Variants in RBMS1 observed in about 807,000 individuals in gnomAD.
RBMS1 encodes the protein RNA binding motif single stranded interacting protein 1, also known as RNA-binding motif, single-stranded-interacting protein 1.
In RBMS1, 17 loss-of-function variants were observed where a neutral mutation model predicts 62.3. The observed-to-expected ratio is 0.27, with a 90% CI of 0.19 to 0.41. The LOEUF (loss-of-function observed/expected upper bound fraction) is 0.41, where lower values mean the gene tolerates loss of function less well. Ranked by LOEUF, RBMS1 falls within the 10% of genes least tolerant of loss-of-function variation. The pLI, the probability that RBMS1 is intolerant of heterozygous loss-of-function variation, is 1.00. For synonymous variants in RBMS1, 172 were observed against 170.0 expected (o/e 1.01, Z -0.09); for missense variants, 334 against 504.5 (o/e 0.66, Z 3.24).
intron 1 of RBMS1, among the ~76,000 whole-genome samples, chr2:160,385,789 A>C (rs1338339962): frequency 6.6e-6 from 1 of 152,148 alleles, no homozygotes; most frequent in Admixed American, 6.5e-5. Context: ...TTTTTTGGTA[A>C]GATTATTAGA....
chr2:160,280,003 T>A (rs1044042124), intron 10 of RBMS1, among the ~76,000 whole-genome samples: 7 of 151,028 alleles, frequency 4.6e-5, no homozygotes, highest in African/African-American at 1.7e-4. Context: ...CTGTTAGAAA[T>A]TTTTTTTTTA....
intron 4 of RBMS1, among the ~76,000 whole-genome samples, chr2:160,311,048 T>C (rs1574259028): frequency 6.6e-6 from 1 of 150,874 alleles, no homozygotes. Flanking sequence ...ACAAAAATTA[T>C]CCGGGTGTGG....
chr2:160,349,333 G>A (rs1289437891), intron 2 of RBMS1, among the ~76,000 whole-genome samples: 1 of 152,024 alleles, frequency 6.6e-6, no homozygotes. Context: ...GTATTTATTC[G>A]TAGCCTGCTT....
intron 1 of RBMS1, among the ~76,000 whole-genome samples, chr2:160,389,698 CAAAAAAAAAA>C (rs61570926): frequency 7.9e-5 from 4 of 50,374 alleles, no homozygotes; most frequent in African/African-American, 2.6e-4. Context: ...ACTCTTGTCT[CAAAAAAAAAA>C]AAAAAAAAAA....
intron 2 of RBMS1, among the ~76,000 whole-genome samples, chr2:160,349,830 G>C (rs184588259): frequency 1.0e-4 from 15 of 150,266 alleles, no homozygotes; most frequent in Non-Finnish European, 2.9e-5. Flanking sequence ...AAAGCGGGGT[G>C]GGGGGGTGGA....
Position 160,367,347 on chromosome 2 carries a change from G to A in RBMS1, c.120C>T (p.Ser40=), listed in dbSNP as rs767197004. ...PAHPMAPPSP[S]TTSSNNNSSS... ...TACTGTTGTTATTACTGCTGGTGGT[G>A]CTGGGACTGGGAGGGGCCATGGGGT... Residue 40 remains serine, a synonymous_variant, in exon 2 of 14, where the codon AGC becomes AGT. Transcript: ENST00000348849. 7 of 1,614,014 alleles carry A rather than the reference G, an allele frequency of 4.3e-6. No individual in the cohort carries two copies. The highest frequency in any genetic ancestry group is 5.9e-6 in the Non-Finnish European group (7 of 1,179,974).
chr2:160,313,836 A>T (rs1690067816), intron 3 of RBMS1, among the ~76,000 whole-genome samples: 2 of 152,352 alleles, frequency 1.3e-5, no homozygotes, highest in South Asian at 4.1e-4. Context: ...CAAAATAAAG[A>T]AGAGCTGGGG....
chr2:160,413,554 T>A (rs1263975321), intron 1 of RBMS1, among the ~76,000 whole-genome samples: 1 of 152,120 alleles, frequency 6.6e-6, no homozygotes, highest in Non-Finnish European at 1.5e-5. Context: ...GAAACCACTG[T>A]AATAAAATAA....
intron 1 of RBMS1, among the ~76,000 whole-genome samples, chr2:160,476,289 G>A (rs898620607): frequency 6.6e-6 from 1 of 152,010 alleles, no homozygotes; most frequent in African/African-American, 2.4e-5. Flanking sequence ...ATTGCCTTTG[G>A]GGACACTATG....
At chr2:160,383,452 T>TC (rs1694388876) in intron 1 of RBMS1, among the ~76,000 whole-genome samples, 2 of 35,546 alleles carry the variant, frequency 5.6e-5, no homozygotes. Context: ...TAGACATGAA[T>TC]TGGGGGGGGG....
intron 2 of RBMS1, among the ~76,000 whole-genome samples, chr2:160,342,773 A>G (rs2105996307): frequency 6.9e-6 from 1 of 145,486 alleles, no homozygotes; most frequent in Admixed American, 6.9e-5. Flanking sequence ...AAAATACAAA[A>G]AAAAAAAAAA....
chr2:160,429,035 A>T, intron 1 of RBMS1, among the ~76,000 whole-genome samples: 1 of 152,214 alleles, frequency 6.6e-6, no homozygotes, highest in East Asian at 1.9e-4. Context: ...CTTTCTATGT[A>T]AAGATTGTTT....
intron 1 of RBMS1, among the ~76,000 whole-genome samples, chr2:160,453,984 T>C (rs1315029008): frequency 2.6e-5 from 4 of 152,232 alleles, no homozygotes; most frequent in African/African-American, 9.6e-5. Context: ...TCATCTCCTC[T>C]ATGAACGTTT....
chr2:160,439,789 C>A (rs1559552826), intron 1 of RBMS1, among the ~76,000 whole-genome samples: 1 of 152,222 alleles, frequency 6.6e-6, no homozygotes, highest in Non-Finnish European at 1.5e-5. Context: ...GAACGAGACT[C>A]CGTCTGCAAT....
rs1695231630 is a variant in RBMS1 at position 160,397,929 on chromosome 2, C to A, written c.76-30538G>T. On this transcript the variant is annotated intron_variant, in intron 1 of 13. Coordinates refer to ENST00000348849, the MANE Select transcript of RBMS1 (RefSeq NM_016836.4). Reference sequence around the variant, plus strand: ...ACTTTGCCTAAGGCTCCCCCCTACTCCTGCCCAATATAGAATCTGTGCTCC... The same window carrying A: ...ACTTTGCCTAAGGCTCCCCCCTACTACTGCCCAATATAGAATCTGTGCTCC... 4.6e-5 allele frequency among the ~76,000 whole-genome samples: 7 copies of A among 152,300 alleles called. No individual in the cohort carries two copies. The South Asian group carries it at 1.2e-3, about 27-fold the overall frequency.
At chr2:160,385,561 T>A (rs1473534083) in intron 1 of RBMS1, among the ~76,000 whole-genome samples, 1 of 152,124 alleles carries the variant, frequency 6.6e-6, no homozygotes, top group Non-Finnish European at 1.5e-5. Context: ...TTTTATCATC[T>A]GAAACTCTAA....
At chr2:160,312,681 AACT>A (rs1312061597) in intron 4 of RBMS1, among the ~76,000 whole-genome samples, 4 of 152,180 alleles carry the variant, frequency 2.6e-5, no homozygotes, top group African/African-American at 9.6e-5. Context: ...TGTGCATTAA[AACT>A]ACTTGTTTTA....
At chr2:160,395,581 G>A (rs1366285917) in intron 1 of RBMS1, among the ~76,000 whole-genome samples, 1 of 136,940 alleles carries the variant, frequency 7.3e-6, no homozygotes, top group African/African-American at 2.8e-5. Flanking sequence ...CTGAGATCGC[G>A]CCACTGCACT....
chr2:160,426,225 G>GAA (rs1164731504), intron 1 of RBMS1, among the ~76,000 whole-genome samples: 1 of 78,052 alleles, frequency 1.3e-5, no homozygotes, highest in African/African-American at 5.5e-5. Flanking sequence ...ACAGAAGAAA[G>GAA]AAAGAAAGAA....
Sources: gnomAD v4.1 joint callset for allele counts (sites outside exome capture counted in the v4.1 genomes callset) on GRCh38, gnomAD v4.1.1 for gene constraint, MANE v1.5 for transcripts, NCBI Gene and HGNC (gene_info 2026-07-23, HGNC 2026-07-21) for gene names.